Variants in STT3B observed in about 807,000 individuals in gnomAD.
STT3B encodes the protein dolichyl-diphosphooligosaccharide--protein glycosyltransferase subunit STT3B.
In STT3B, 29 loss-of-function variants were observed where a neutral mutation model predicts 96.8. The observed-to-expected ratio is 0.30, with a 90% CI of 0.22 to 0.41. STT3B has a LOEUF of 0.41. STT3B is among the 10% of genes least tolerant of loss of function. The pLI is 1.00. For synonymous variants in STT3B, 367 were observed against 360.0 expected, an observed-to-expected ratio of 1.02 and a Z score of -0.22; for missense variants, 640 against 1,022.3, an observed-to-expected ratio of 0.63 and a Z score of 5.10.
intron 1 of STT3B, among the ~76,000 whole-genome samples, chr3:31,556,588 T>C (rs1697717165): frequency 6.6e-6 from 1 of 152,234 alleles, no homozygotes; most frequent in Admixed American, 6.5e-5. Flanking sequence ...TAATAGCCAT[T>C]CTAACTTGGG....
intron 6 of STT3B, 86 bp from the exon 7 acceptor site, chr3:31,616,843 C>A: frequency 8.4e-7 from 1 of 1,189,408 alleles, no homozygotes; most frequent in Non-Finnish European, 1.2e-6. Context: ...TGGTGCAGGA[C>A]ATTCTAAGAA....
intron 3 of STT3B, among the ~76,000 whole-genome samples, chr3:31,592,767 T>G (rs1196633781): frequency 6.6e-6 from 1 of 152,232 alleles, no homozygotes; most frequent in African/African-American, 2.4e-5. Context: ...ACTTTCTAAT[T>G]TCCCGTCATA....
intron 1 of STT3B, 51 bp downstream of exon 1, chr3:31,533,363 C>T (rs1696993314): frequency 7.1e-7 from 1 of 1,402,760 alleles, no homozygotes; most frequent in South Asian, 1.5e-5. Flanking sequence ...GGAACCGGGA[C>T]CCGCTCCTCC....
rs148211473 is a variant in STT3B at position 31,629,779 on chromosome 3, A to C, written c.2187+368A>C. Among the ~76,000 whole-genome samples, 3 of 152,266 alleles carry C rather than the reference A, an allele frequency of 2.0e-5. No individual in the cohort carries two copies. The East Asian group carries it at 5.8e-4, about 29-fold the overall frequency. On this transcript the variant is annotated intron_variant, in intron 14 of 15. Transcript: ENST00000295770. ...TTGCTGCTTGGTGGAGAAAAGCTTAAAATTAAAGATTCGAAGTAAATAGTC... is the reference window on the plus strand; with the variant it reads ...TTGCTGCTTGGTGGAGAAAAGCTTACAATTAAAGATTCGAAGTAAATAGTC...
chr3:31,563,104 T>C (rs913010224), intron 1 of STT3B, among the ~76,000 whole-genome samples: 5 of 152,190 alleles, frequency 3.3e-5, no homozygotes. Context: ...CTTGTTTCCC[T>C]CTTTTTCCTT....
At chr3:31,607,914 A>G (rs1215558251) in intron 5 of STT3B, among the ~76,000 whole-genome samples, 2 of 152,080 alleles carry the variant, frequency 1.3e-5, no homozygotes, top group African/African-American at 2.4e-5. Context: ...TTTATTTAAT[A>G]TAGCTACATT....
Position 31,625,975 on chromosome 3 carries a change from A to C in STT3B, c.1921A>C (p.Asn641His). ...IALVGKAMSS[N>H]ETAAYKIMRT... ...GCAGGTGGGAAAAGCTATGTCTTCT[A>C]ATGAAACAGCAGCCTATAAAATCAT... Residue 641 changes from asparagine to histidine, a missense_variant, in exon 13 of 16, where the codon AAT becomes CAT. Transcript: ENST00000295770. 6.2e-7 allele frequency: 1 copy of C among 1,609,004 alleles called. No individual in the cohort carries two copies.
At chr3:31,620,465 G>T (rs1339458052) in intron 9 of STT3B, among the ~76,000 whole-genome samples, 1 of 152,040 alleles carries the variant, frequency 6.6e-6, no homozygotes, top group Non-Finnish European at 1.5e-5. Flanking sequence ...TAAGTAGGAA[G>T]AAGTTTTTAG....
At chr3:31,631,583 T>A (rs77223651) in intron 14 of STT3B, among the ~76,000 whole-genome samples, 6,645 of 152,292 alleles carry the variant, frequency 0.044, 373 homozygotes, top group East Asian at 0.32. Flanking sequence ...GTGTAACTTT[T>A]GCTATCATAT....
chr3:31,555,661 A>G (rs561585166), intron 1 of STT3B, among the ~76,000 whole-genome samples: 2 of 152,054 alleles, frequency 1.3e-5, no homozygotes, highest in South Asian at 2.1e-4. Flanking sequence ...GTCTTTTTAC[A>G]TTATCTTTGT....
chr3:31,618,287 T>TTACCTAACG (rs57924710), intron 8 of STT3B, among the ~76,000 whole-genome samples: 1 of 151,600 alleles, frequency 6.6e-6, no homozygotes. Context: ...GATTTGTCTT[T>TTACCTAACG]TATAACATTT....
intron 13 of STT3B, among the ~76,000 whole-genome samples, chr3:31,626,402 C>G (rs1699538967): frequency 1.3e-5 from 2 of 152,142 alleles, no homozygotes; most frequent in Non-Finnish European, 2.9e-5. Context: ...CATGTCATCC[C>G]TTTCTTTCCA....
intron 1 of STT3B, among the ~76,000 whole-genome samples, chr3:31,551,658 T>C (rs1054822675): frequency 1.3e-5 from 2 of 152,212 alleles, no homozygotes; most frequent in Non-Finnish European, 2.9e-5. Flanking sequence ...AACAACAAAC[T>C]GTTATAGGTG....
At chr3:31,597,180 G>A (rs906640828) in intron 4 of STT3B, among the ~76,000 whole-genome samples, 1 of 151,950 alleles carries the variant, frequency 6.6e-6, no homozygotes, top group African/African-American at 2.4e-5. Context: ...TTTATTTTGA[G>A]ACGGAGTTTT....
chr3:31,628,697 T>C (rs1699588224), intron 13 of STT3B, among the ~76,000 whole-genome samples: 2 of 152,144 alleles, frequency 1.3e-5, no homozygotes, highest in Non-Finnish European at 2.9e-5. Context: ...TTAAAGTTCA[T>C]GTGGAAAAAT....
intron 1 of STT3B, chr3:31,533,530 A>G (rs1296545391): frequency 1.5e-5 from 7 of 470,098 alleles, no homozygotes; most frequent in African/African-American, 2.1e-5. Flanking sequence ...GGGGTCCAGG[A>G]GCGAAACCTT....
At chr3:31,591,738 A>G (rs1021418848) in intron 3 of STT3B, among the ~76,000 whole-genome samples, 2 of 152,134 alleles carry the variant, frequency 1.3e-5, no homozygotes, top group Non-Finnish European at 2.9e-5. Flanking sequence ...TTATATTCAT[A>G]TAACTTACAC....
At position 31,556,011 on chromosome 3, in the gene STT3B, A is replaced by G. The variant is rs1054501875; in HGVS notation, c.315-20385A>G. Among the ~76,000 whole-genome samples, 12 of 151,998 alleles carry G rather than the reference A, an allele frequency of 7.9e-5. 1 individual carries two copies. The highest frequency in any genetic ancestry group is 2.4e-4 in the African/African-American group (10 of 41,408). On this transcript the variant is annotated intron_variant, in intron 1 of 15. Transcript: ENST00000295770. ...GAATTTATGCCTTGTATCTAACAGT[A>G]TTTTTGTACCCATTGACCAATCTCT...
chr3:31,587,077 C>T (rs981378534), intron 3 of STT3B, among the ~76,000 whole-genome samples: 1 of 152,004 alleles, frequency 6.6e-6, no homozygotes, highest in African/African-American at 2.4e-5. Flanking sequence ...GTGACTTGAT[C>T]TATTTTAAGC....
Sources: gnomAD v4.1 joint callset for allele counts (sites outside exome capture counted in the v4.1 genomes callset) on GRCh38, gnomAD v4.1.1 for gene constraint, MANE v1.5 for transcripts, NCBI Gene and HGNC (gene_info 2026-07-23, HGNC 2026-07-21) for gene names.